PTER: variants seen among roughly 807,000 people sequenced by gnomAD.
PTER encodes N-acetyltaurine hydrolase.
A neutral mutation model predicts 29.6 loss-of-function variants in PTER; 38 were observed. That is an observed-to-expected ratio of 1.28 (90% CI 0.99 to 1.68). The LOEUF is 1.68. Among genes scored for constraint, PTER ranks in the 40% most tolerant of loss-of-function variants. The probability of loss-of-function intolerance (pLI) is 0.00; values close to 1 mark genes in which losing one functional copy is unlikely to be tolerated. For synonymous variants in PTER, 172 were observed against 154.5 expected (o/e 1.11, Z -0.84); for missense variants, 482 against 427.8 (o/e 1.13, Z -1.12).
chr10:16,519,013 T>G, the PTER span, among the ~76,000 whole-genome samples: 3 of 152,094 alleles, frequency 2.0e-5, no homozygotes, highest in Non-Finnish European at 4.4e-5. Context: ...AACAACCCTG[T>G]CAGTGCCTCC....
intron 3 of PTER, among the ~76,000 whole-genome samples, chr10:16,493,100 C>G (rs1464877011): frequency 6.6e-6 from 1 of 152,176 alleles, no homozygotes; most frequent in Non-Finnish European, 1.5e-5. Context: ...GAACAACCCA[C>G]TCTCTGCCTT....
intron 2 of PTER, 93 bp from the exon 3 acceptor site, chr10:16,486,259 G>A (rs1425138517): frequency 2.3e-6 from 3 of 1,315,206 alleles, no homozygotes; most frequent in East Asian, 4.7e-5. Context: ...AAGAATGAAT[G>A]ACAAAATAAA....
At chr10:16,501,547 C>G (rs539931008) in intron 3 of PTER, among the ~76,000 whole-genome samples, 1 of 152,272 alleles carries the variant, frequency 6.6e-6, no homozygotes, top group East Asian at 1.9e-4. Context: ...ACAAGTGAAT[C>G]CTTTCTTACC....
At chr10:16,476,091 A>T (rs1835249709) in intron 1 of PTER, 1 of 151,960 alleles carries the variant, frequency 6.6e-6, no homozygotes, top group Non-Finnish European at 1.5e-5. Context: ...ATATATTATT[A>T]TTATTATTTT....
At chr10:16,510,923 C>G in intron 4 of PTER, 123 bp from the exon 5 acceptor site, 1 of 762,586 alleles carries the variant, frequency 1.3e-6, no homozygotes, top group East Asian at 2.7e-5. Context: ...TCAGTACACA[C>G]GCCACAGTAG....
At chr10:16,494,429 A>G (rs1285301528) in intron 3 of PTER, among the ~76,000 whole-genome samples, 1 of 152,190 alleles carries the variant, frequency 6.6e-6, no homozygotes, top group East Asian at 1.9e-4. Context: ...AGAGAACTGA[A>G]TAAGTGATGG....
At chr10:16,480,054 T>A (rs1165390423) in intron 1 of PTER, among the ~76,000 whole-genome samples, 1 of 139,308 alleles carries the variant, frequency 7.2e-6, no homozygotes, top group Non-Finnish European at 1.5e-5. Context: ...GTGATTACAT[T>A]TGCACCAACC....
chr10:16,515,652 C>A (rs1836939189), downstream of PTER, among the ~76,000 whole-genome samples: 2 of 152,268 alleles, frequency 1.3e-5, no homozygotes, highest in African/African-American at 4.8e-5. Flanking sequence ...CCTATCATCT[C>A]ATGCATTGTG....
intron 1 of PTER, among the ~76,000 whole-genome samples, chr10:16,453,936 A>G (rs1254494972): frequency 6.6e-6 from 1 of 152,192 alleles, no homozygotes; most frequent in African/African-American, 2.4e-5. Flanking sequence ...CCCTTGTTTT[A>G]TTAATGAGAA....
intron 1 of PTER, among the ~76,000 whole-genome samples, chr10:16,471,665 T>G (rs1835061124): frequency 6.6e-6 from 1 of 152,208 alleles, no homozygotes; most frequent in Non-Finnish European, 1.5e-5. Context: ...ATTTTTTTCT[T>G]CACATCAAAG....
chr10:16,445,612 A>T (rs1833988475), intron 1 of PTER, among the ~76,000 whole-genome samples: 1 of 152,098 alleles, frequency 6.6e-6, no homozygotes, highest in African/African-American at 2.4e-5. Context: ...AGTGTCTCCA[A>T]GCTCAGTCTT....
At chr10:16,517,475 T>C (rs1055115277), downstream of PTER, among the ~76,000 whole-genome samples, 1 of 152,222 alleles carries the variant, frequency 6.6e-6, no homozygotes, top group African/African-American at 2.4e-5. Context: ...GCTTATTTAT[T>C]ATAGTGGCAT....
chr10:16,457,495 G>A (rs987952950), intron 1 of PTER, among the ~76,000 whole-genome samples: 2 of 151,714 alleles, frequency 1.3e-5, no homozygotes, highest in South Asian at 4.2e-4. Context: ...TTACAGGCAT[G>A]AGCCACTGTG....
At chr10:16,492,440 G>A (rs1226379803) in intron 3 of PTER, among the ~76,000 whole-genome samples, 2 of 152,058 alleles carry the variant, frequency 1.3e-5, no homozygotes, top group Non-Finnish European at 2.9e-5. Flanking sequence ...TTGGCCTCCG[G>A]TCTAATACAG....
In PTER at chr10:16,502,116, G is replaced by T. The variant is rs1836373649; in HGVS notation, c.699-2904G>T. ...TTAGGAAAGTTATTCTCAAGGCATTGGGCCAAAGGACAGAAAAAGACATTA... is the reference window on the plus strand; with the variant it reads ...TTAGGAAAGTTATTCTCAAGGCATTTGGCCAAAGGACAGAAAAAGACATTA... On this transcript the variant is annotated intron_variant, in intron 3 of 4. Coordinates refer to ENST00000535784, the MANE Select transcript of PTER (RefSeq NM_001261836.2). 2.0e-5 allele frequency among the ~76,000 whole-genome samples: 3 copies of T among 152,172 alleles called. No homozygotes were observed. The South Asian group carries it at 6.2e-4, about 32-fold the overall frequency.
chr10:16,442,195 T>G (rs909118215), intron 1 of PTER, among the ~76,000 whole-genome samples: 1 of 152,242 alleles, frequency 6.6e-6, no homozygotes, highest in Non-Finnish European at 1.5e-5. Context: ...TTTCCTGATG[T>G]GGCTTACTAT....
intron 1 of PTER, among the ~76,000 whole-genome samples, chr10:16,442,299 C>T (rs1158345598): frequency 1.1e-4 from 16 of 152,196 alleles, no homozygotes; most frequent in Admixed American, 1.0e-3. Flanking sequence ...GACAATTCGA[C>T]ATGTCTCATC....
At chr10:16,455,948 T>G (rs1258329034) in intron 1 of PTER, among the ~76,000 whole-genome samples, 2 of 151,910 alleles carry the variant, frequency 1.3e-5, no homozygotes, top group Non-Finnish European at 2.9e-5. Context: ...TGTTATTACT[T>G]TTTTTTTGGA....
intron 4 of PTER, among the ~76,000 whole-genome samples, chr10:16,509,919 TGA>T (rs1836745814): frequency 3.3e-5 from 5 of 152,118 alleles, no homozygotes; most frequent in African/African-American, 1.2e-4. Context: ...GCTTTGTGCT[TGA>T]GTTTTTTTTG....
Sources: gnomAD v4.1 joint callset for allele counts (sites outside exome capture counted in the v4.1 genomes callset) on GRCh38, gnomAD v4.1.1 for gene constraint, MANE v1.5 for transcripts, NCBI Gene and HGNC (gene_info 2026-07-23, HGNC 2026-07-21) for gene names.